The following PTPRD variants were observed in gnomAD, a reference collection of about 807,000 sequenced individuals.
PTPRD encodes the protein protein tyrosine phosphatase receptor type D, also known as receptor-type tyrosine-protein phosphatase delta.
In PTPRD, 34 loss-of-function variants were observed where a neutral mutation model predicts 214.5. That is an observed-to-expected ratio of 0.16 (90% CI 0.12 to 0.21). The LOEUF (loss-of-function observed/expected upper bound fraction) is 0.21. PTPRD is among the 10% of genes least tolerant of loss of function. The pLI is 1.00. For missense variants in PTPRD, 2,545 were observed against 2,398.7 expected (o/e 1.06, Z -1.27); for synonymous variants, 1,128 against 845.7 (o/e 1.33, Z -5.79).
chr9:9,631,013 G>C (rs576167026), intron 7 of PTPRD, among the ~76,000 whole-genome samples: 1 of 152,152 alleles, frequency 6.6e-6, no homozygotes, highest in East Asian at 1.9e-4. Flanking sequence ...GAAAGGGGCA[G>C]TCAACTATAA....
intron 2 of PTPRD, among the ~76,000 whole-genome samples, chr9:10,410,215 T>C (rs2098419144): frequency 6.9e-6 from 1 of 145,386 alleles, no homozygotes; most frequent in African/African-American, 2.5e-5. Context: ...ATTAAACAAA[T>C]GTGCTAATAA....
chr9:10,114,687 T>C (rs1327006872), intron 3 of PTPRD, among the ~76,000 whole-genome samples: 1 of 152,102 alleles, frequency 6.6e-6, no homozygotes, highest in Non-Finnish European at 1.5e-5. Flanking sequence ...CATATATAGA[T>C]AAATTGTATA....
At chr9:10,142,428 G>GA (rs1163992571) in intron 3 of PTPRD, among the ~76,000 whole-genome samples, 1 of 150,516 alleles carries the variant, frequency 6.6e-6, no homozygotes, top group Non-Finnish European at 1.5e-5. Context: ...AAATTTACGA[G>GA]AAAAAAACAA....
At chr9:8,524,804 G>A in intron 18 of PTPRD, 121 bp downstream of exon 18, 2 of 836,560 alleles carry the variant, frequency 2.4e-6, no homozygotes, top group African/African-American at 1.7e-5. Flanking sequence ...ACATGTTTCA[G>A]CTACGGTCAC....
chr9:9,804,340 G>A (rs1333473650), intron 5 of PTPRD, among the ~76,000 whole-genome samples: 1 of 152,014 alleles, frequency 6.6e-6, no homozygotes, highest in Admixed American at 6.6e-5. Context: ...TGGAAATATG[G>A]ATCCAGCCAC....
chr9:9,184,216 T>C (rs1460723907), intron 9 of PTPRD, among the ~76,000 whole-genome samples: 1 of 152,084 alleles, frequency 6.6e-6, no homozygotes, highest in Admixed American at 6.6e-5. Context: ...TCTGCATCTT[T>C]CCCTATCACA....
rs200463467 is a variant in PTPRD, at chr9:9,243,561, T to G, written c.-202-60198A>C. On this transcript the variant is annotated intron_variant, in intron 9 of 45. Coordinates refer to ENST00000381196, the MANE Select transcript of PTPRD (RefSeq NM_002839.4). ...AAACCACATGATTATCTCAATAGAT[T>G]CAGAAAAGGCCTTCGATAAAATTCA... Among the ~76,000 whole-genome samples the G allele has an allele frequency of 5.3e-5, 8 of 152,176 alleles. No individual in the cohort carries two copies. The East Asian group carries it at 9.7e-4, about 18-fold the overall frequency.
chr9:10,095,370 A>G (rs1276448964), intron 3 of PTPRD, among the ~76,000 whole-genome samples: 1 of 151,498 alleles, frequency 6.6e-6, no homozygotes, highest in Non-Finnish European at 1.5e-5. Context: ...TAGTTGTTCC[A>G]TATTTTACTT....
chr9:10,539,630 C>T (rs1209708874), intron 2 of PTPRD, among the ~76,000 whole-genome samples: 1 of 152,192 alleles, frequency 6.6e-6, no homozygotes, highest in Non-Finnish European at 1.5e-5. Flanking sequence ...TTGGTGCCAA[C>T]TTGAAGTTTA....
chr9:10,289,338 G>T (rs2095462015), intron 3 of PTPRD, among the ~76,000 whole-genome samples: 1 of 152,092 alleles, frequency 6.6e-6, no homozygotes, highest in Non-Finnish European at 1.5e-5. Context: ...GTTTTTCAGT[G>T]AACATCTACT....
intron 3 of PTPRD, among the ~76,000 whole-genome samples, chr9:10,302,526 C>T (rs1393421843): frequency 1.3e-5 from 2 of 152,160 alleles, no homozygotes; most frequent in South Asian, 2.1e-4. Context: ...ACCCATCTCA[C>T]GTGCAAAGAC....
At chr9:9,431,632 T>C (rs546137980) in intron 8 of PTPRD, among the ~76,000 whole-genome samples, 3 of 152,038 alleles carry the variant, frequency 2.0e-5, no homozygotes, top group South Asian at 2.1e-4. Flanking sequence ...CTATTCACAA[T>C]AGCAAAGACT....
At chr9:10,017,427 T>C (rs1312189717) in intron 4 of PTPRD, among the ~76,000 whole-genome samples, 2 of 152,168 alleles carry the variant, frequency 1.3e-5, no homozygotes, top group Non-Finnish European at 2.9e-5. Context: ...ACAGTTCTTA[T>C]TTTTATTGGT....
chr9:8,495,970 G>C (rs190637030), intron 26 of PTPRD, among the ~76,000 whole-genome samples: 32 of 152,032 alleles, frequency 2.1e-4, no homozygotes, highest in Non-Finnish European at 3.2e-4. Context: ...TTTTTAGCTT[G>C]ACTCTTCTGG....
intron 10 of PTPRD, among the ~76,000 whole-genome samples, chr9:9,046,798 C>G (rs1308971068): frequency 6.6e-6 from 1 of 152,050 alleles, no homozygotes; most frequent in African/African-American, 2.4e-5. Flanking sequence ...TACAACATAC[C>G]CTTAGCTAGT....
intron 4 of PTPRD, among the ~76,000 whole-genome samples, chr9:10,001,260 G>A (rs2096305697): frequency 1.3e-5 from 2 of 151,934 alleles, no homozygotes; most frequent in South Asian, 4.2e-4. Context: ...AAAATGAACC[G>A]AGCCCCCAAA....
intron 9 of PTPRD, among the ~76,000 whole-genome samples, chr9:9,378,320 C>T (rs916837152): frequency 9.2e-5 from 14 of 152,010 alleles, no homozygotes; most frequent in Non-Finnish European, 1.8e-4. Flanking sequence ...CTTACGAATA[C>T]ACATTTAAGT....
rs1221898256 is a variant in PTPRD at position 10,222,503 on chromosome 9, A to G, written c.-545+118460T>C. On this transcript the variant is annotated intron_variant, in intron 3 of 45. Coordinates refer to ENST00000381196, the MANE Select transcript of PTPRD (RefSeq NM_002839.4). ...CCAACAAAGCTGGCTGTCAAGCCAT[A>G]TTATGCAGTGACTTAATATGAGTGG... 2.0e-5 allele frequency among the ~76,000 whole-genome samples: 3 copies of G among 152,136 alleles called. No homozygotes were observed. The East Asian group carries it at 5.8e-4, about 29-fold the overall frequency.
intron 5 of PTPRD, among the ~76,000 whole-genome samples, chr9:9,911,827 G>A (rs888027870): frequency 1.3e-5 from 2 of 152,048 alleles, no homozygotes; most frequent in Admixed American, 6.6e-5. Flanking sequence ...AAATTTTCCT[G>A]TGGTGATGTT....
Sources: allele counts gnomAD v4.1 joint callset (sites outside exome capture counted in the v4.1 genomes callset), GRCh38; gene constraint gnomAD v4.1.1; transcripts MANE v1.5; gene names NCBI Gene and HGNC (gene_info 2026-07-23, HGNC 2026-07-21).